The following COLEC12 variants were observed in gnomAD, a reference collection of about 807,000 sequenced individuals.
COLEC12 encodes the protein collectin subfamily member 12.
COLEC12 carries 33 observed loss-of-function variants against 71.1 expected under a neutral mutation model. The ratio of observed to expected loss-of-function variants is 0.46; its 90% CI spans 0.35 to 0.62. The LOEUF (loss-of-function observed/expected upper bound fraction) is 0.62. Ranked by LOEUF, COLEC12 falls within the 20% of genes least tolerant of loss-of-function variation. COLEC12 has a pLI of 0.00. For synonymous variants in COLEC12, 350 were observed against 353.0 expected (o/e 0.99, Z 0.10); for missense variants, 765 against 916.1 (o/e 0.84, Z 2.13).
chr18:386,874 CCTT>C (rs1353219452), intron 2 of COLEC12, among the ~76,000 whole-genome samples: 1 of 152,062 alleles, frequency 6.6e-6, no homozygotes. Context: ...CCCACCAGCA[CCTT>C]CTGGGCACAC....
At chr18:395,699 T>A (rs1220069454) in intron 2 of COLEC12, among the ~76,000 whole-genome samples, 1 of 152,180 alleles carries the variant, frequency 6.6e-6, no homozygotes, top group East Asian at 1.9e-4. Flanking sequence ...AAATGTAGAT[T>A]CCTCTTACGG....
At chr18:389,492 A>C (rs12962572) in intron 2 of COLEC12, among the ~76,000 whole-genome samples, 29,311 of 151,606 alleles carry the variant, frequency 0.19, 2,951 homozygotes, top group East Asian at 0.26. Flanking sequence ...GTTAACCAGG[A>C]TGGTCTTGAT....
At chr18:455,678 T>G (rs1234552851) in intron 2 of COLEC12, among the ~76,000 whole-genome samples, 1 of 149,354 alleles carries the variant, frequency 6.7e-6, no homozygotes, top group African/African-American at 2.4e-5. Context: ...CCTGGGTGTG[T>G]GACATTCCCC....
At chr18:410,335 T>C (rs1915868060) in intron 2 of COLEC12, among the ~76,000 whole-genome samples, 1 of 152,152 alleles carries the variant, frequency 6.6e-6, no homozygotes, top group Non-Finnish European at 1.5e-5. Context: ...ACTAAAATCC[T>C]GACATCAGAT....
At chr18:446,123 T>C (rs1434820764) in intron 2 of COLEC12, among the ~76,000 whole-genome samples, 1 of 152,246 alleles carries the variant, frequency 6.6e-6, no homozygotes, top group Non-Finnish European at 1.5e-5. Context: ...CTACATTTTA[T>C]TTATCATTTA....
intron 2 of COLEC12, among the ~76,000 whole-genome samples, chr18:421,991 A>C (rs576215245): frequency 2.0e-5 from 3 of 152,268 alleles, no homozygotes; most frequent in South Asian, 2.1e-4. Flanking sequence ...GAGTCACTGG[A>C]TTGCTGTCCC....
At chr18:348,610 G>T (rs560917606) in intron 3 of COLEC12, among the ~76,000 whole-genome samples, 1 of 152,214 alleles carries the variant, frequency 6.6e-6, no homozygotes, top group East Asian at 1.9e-4. Context: ...GGATTCCATT[G>T]GCAAGGAAAA....
rs560956077 is a variant in COLEC12 at position 343,432 on chromosome 18, C to T, written c.1327+2863G>A. On this transcript the variant is annotated intron_variant, in intron 5 of 9. Coordinates refer to ENST00000400256, the MANE Select transcript of COLEC12 (RefSeq NM_130386.3). The stretch of plus-strand genomic sequence containing the variant: ...CTCCTGAATGAGGGTACCCACTTCT[C>T]CCTTCTCCACTGCCAGCATTCTAGG... Among the ~76,000 whole-genome samples, 3 of 151,964 alleles carry T rather than the reference C, an allele frequency of 2.0e-5. No individual in the cohort carries two copies. In the East Asian group the frequency reaches 5.8e-4, roughly 29 times the overall value.
At chr18:450,536 T>C (rs766810910) in intron 2 of COLEC12, among the ~76,000 whole-genome samples, 11 of 152,212 alleles carry the variant, frequency 7.2e-5, no homozygotes, top group Non-Finnish European at 8.8e-5. Context: ...GAGACTTCCC[T>C]AGAAGAAGCT....
intron 2 of COLEC12, among the ~76,000 whole-genome samples, chr18:474,323 C>A (rs917100662): frequency 1.3e-5 from 2 of 152,210 alleles, no homozygotes; most frequent in African/African-American, 4.8e-5. Context: ...TGGGAAATCA[C>A]CTGGCACATA....
At chr18:491,971 G>A (rs572466669) in intron 1 of COLEC12, among the ~76,000 whole-genome samples, 1 of 152,294 alleles carries the variant, frequency 6.6e-6, no homozygotes, top group African/African-American at 2.4e-5. Context: ...TTCTCCTGGT[G>A]AATGAACTCA....
At chr18:491,331 G>C (rs1917615640) in intron 1 of COLEC12, among the ~76,000 whole-genome samples, 1 of 152,224 alleles carries the variant, frequency 6.6e-6, no homozygotes, top group African/African-American at 2.4e-5. Flanking sequence ...ACCAGAGGCT[G>C]ATAGAATTAA....
chr18:397,100 G>A (rs1444665062), intron 2 of COLEC12, among the ~76,000 whole-genome samples: 2 of 152,194 alleles, frequency 1.3e-5, no homozygotes, highest in Admixed American at 6.5e-5. Flanking sequence ...TTAGTTCTGT[G>A]TATCTATAGA....
intron 2 of COLEC12, among the ~76,000 whole-genome samples, chr18:361,683 A>AATAAATTTT (rs1914747410): frequency 6.6e-6 from 1 of 152,202 alleles, no homozygotes; most frequent in African/African-American, 2.4e-5. Flanking sequence ...ATTTAGAGAA[A>AATAAATTTT]GGAACATATA....
chr18:343,194 C>G (rs1914295929), intron 5 of COLEC12, among the ~76,000 whole-genome samples: 1 of 152,214 alleles, frequency 6.6e-6, no homozygotes, highest in African/African-American at 2.4e-5. Flanking sequence ...CCCTTTGCTT[C>G]TGGGCACATT....
intron 2 of COLEC12, among the ~76,000 whole-genome samples, chr18:417,818 G>A (rs902787560): frequency 4.6e-5 from 7 of 152,028 alleles, no homozygotes; most frequent in Admixed American, 2.6e-4. Flanking sequence ...CCCTGGAGAC[G>A]GACAAAATTG....
chr18:381,340 C>T (rs914618156), intron 2 of COLEC12, among the ~76,000 whole-genome samples: 10 of 152,092 alleles, frequency 6.6e-5, no homozygotes, highest in East Asian at 1.9e-4. Flanking sequence ...TTTCTGTTCA[C>T]GTCAACATAA....
intron 2 of COLEC12, among the ~76,000 whole-genome samples, chr18:416,283 G>T (rs1024298741): frequency 2.0e-5 from 3 of 152,170 alleles, no homozygotes; most frequent in East Asian, 3.9e-4. Context: ...AGCAGCCAGG[G>T]ATCTAGTGAA....
intron 1 of COLEC12, among the ~76,000 whole-genome samples, chr18:483,775 C>T (rs1017779484): frequency 6.6e-6 from 1 of 152,220 alleles, no homozygotes; most frequent in East Asian, 1.9e-4. Flanking sequence ...CGTCTATTCT[C>T]CATTTAAGAG....
Sources: allele counts gnomAD v4.1 joint callset (sites outside exome capture counted in the v4.1 genomes callset), GRCh38; gene constraint gnomAD v4.1.1; transcripts MANE v1.5; gene names NCBI Gene and HGNC (gene_info 2026-07-23, HGNC 2026-07-21).